Variants in EFHC1 observed in about 807,000 individuals in gnomAD.
EFHC1 encodes the protein EF-hand domain-containing protein 1.
A neutral mutation model predicts 69.9 loss-of-function variants in EFHC1; 53 were observed. That is an observed-to-expected ratio of 0.76 (90% CI 0.61 to 0.95). The LOEUF is 0.95. EFHC1 is among the 40% of genes least tolerant of loss of function. The pLI is 0.00. For synonymous variants in EFHC1, 256 were observed against 278.4 expected (o/e 0.92, Z 0.80); for missense variants, 739 against 798.7 (o/e 0.93, Z 0.90).
At chr6:52,452,064 C>T (rs764192141) in intron 3 of EFHC1, among the ~76,000 whole-genome samples, 7 of 152,162 alleles carry the variant, frequency 4.6e-5, no homozygotes, top group Non-Finnish European at 7.4e-5. Flanking sequence ...GTTACAGGCA[C>T]CTAACTAAAT....
Position 52,420,387 on chromosome 6 carries a change from G to A in EFHC1, c.-24G>A. On this transcript the variant is annotated 5_prime_UTR_variant, in exon 1 of 11. The change creates a new upstream start codon in the 5' untranslated region. Transcript: ENST00000371068. ...CCGGAGAGGACGAAGCAGGACCTAG[G>A]TGGCGGCGGTGGTACCGGCTGCAAT... The A allele has an allele frequency of 1.2e-6, 2 of 1,614,244 alleles. No individual in the cohort carries two copies. The highest frequency in any genetic ancestry group is 1.7e-6 in the Non-Finnish European group (2 of 1,180,054).
In EFHC1 at chr6:52,495,139, C is replaced by T. The variant is rs1264755044; in HGVS notation, c.*2798C>T. On this transcript the variant is annotated 3_prime_UTR_variant, in exon 11 of 11. Transcript: ENST00000371068. ...GATCTTCCCAGGAGGCCCTTTCAGG[C>T]TGACACACCTTCCAGGGTGTGCACT... 2.2e-6 allele frequency: 1 copy of T among 454,072 alleles called. No homozygotes were observed. 28.1% of individuals were successfully genotyped at this position (454,072 alleles called of 1,614,324 possible). A position where few individuals can be genotyped will look rare whatever the true frequency, so the allele number is the denominator to read the frequency against.
chr6:52,434,020 C>T (rs1307078353), intron 2 of EFHC1, among the ~76,000 whole-genome samples: 2 of 151,942 alleles, frequency 1.3e-5, no homozygotes, highest in Non-Finnish European at 2.9e-5. Flanking sequence ...ATCTCACTCC[C>T]ACTGTCCCGC....
At chr6:52,469,573 T>G in intron 7 of EFHC1, 100 bp downstream of exon 7, 1 of 1,547,610 alleles carries the variant, frequency 6.5e-7, no homozygotes, top group African/African-American at 1.4e-5. Flanking sequence ...CTGTCAGAGT[T>G]ATGTGTTGAC....
intron 6 of EFHC1, chr6:52,468,670 G>C (rs1351614680): frequency 6.5e-6 from 1 of 153,248 alleles, no homozygotes; most frequent in Admixed American, 6.5e-5. Flanking sequence ...AGAAAACTCA[G>C]ATGCTTAGCA....
intron 1 of EFHC1, among the ~76,000 whole-genome samples, chr6:52,423,151 C>A (rs925429160): frequency 1.3e-5 from 2 of 152,234 alleles, no homozygotes; most frequent in Middle Eastern, 3.4e-3. Flanking sequence ...ATATACCATC[C>A]AGTTGCTTTC....
intron 2 of EFHC1, among the ~76,000 whole-genome samples, chr6:52,435,654 G>C (rs1235569867): frequency 2.0e-5 from 3 of 152,072 alleles, no homozygotes; most frequent in African/African-American, 7.2e-5. Flanking sequence ...ACTATTGAAG[G>C]GGCTTCCAGT....
At chr6:52,489,710 T>C (rs1368733664) in intron 9 of EFHC1, among the ~76,000 whole-genome samples, 1 of 152,230 alleles carries the variant, frequency 6.6e-6, no homozygotes, top group East Asian at 1.9e-4. Flanking sequence ...AGGTTGATTC[T>C]TGGCTACAGA....
intron 2 of EFHC1, among the ~76,000 whole-genome samples, chr6:52,426,965 A>G (rs1211573585): frequency 6.6e-6 from 1 of 152,202 alleles, no homozygotes; most frequent in Non-Finnish European, 1.5e-5. Flanking sequence ...GGAAAATGCC[A>G]TCAGGCTTTC....
At chr6:52,435,297 G>C (rs991183813) in intron 2 of EFHC1, among the ~76,000 whole-genome samples, 1 of 152,090 alleles carries the variant, frequency 6.6e-6, no homozygotes, top group Non-Finnish European at 1.5e-5. Context: ...ATATCAATTT[G>C]ATAGTAATTC....
At position 52,473,549 on chromosome 6, in the gene EFHC1, G is replaced by C. The variant is rs948306074; in HGVS notation, c.1278+4076G>C. Among the ~76,000 whole-genome samples the C allele has an allele frequency of 2.6e-5, 4 of 152,194 alleles. No individual in the cohort carries two copies. The South Asian group carries it at 6.2e-4, about 24-fold the overall frequency. On this transcript the variant is annotated intron_variant, in intron 7 of 10. Coordinates refer to ENST00000371068, the MANE Select transcript of EFHC1 (RefSeq NM_018100.4). ...TAATCCCAGCACTTTGGGAGACCAAGGTGGGCAGACTGCCCCAGCTCAGGA... is the reference window on the plus strand; with the variant it reads ...TAATCCCAGCACTTTGGGAGACCAACGTGGGCAGACTGCCCCAGCTCAGGA...
intron 1 of EFHC1, among the ~76,000 whole-genome samples, chr6:52,422,618 A>G (rs1764216217): frequency 6.6e-6 from 1 of 152,166 alleles, no homozygotes; most frequent in South Asian, 2.1e-4. Flanking sequence ...TTTTATGATT[A>G]ATCTTAAATT....
At chr6:52,460,253 T>C (rs1320585275) in intron 5 of EFHC1, among the ~76,000 whole-genome samples, 1 of 152,180 alleles carries the variant, frequency 6.6e-6, no homozygotes, top group Non-Finnish European at 1.5e-5. Flanking sequence ...TCAAAGTAAC[T>C]ATGCTAAGAG....
In EFHC1 at chr6:52,477,926, G is replaced by A. The variant is rs574301688; in HGVS notation, c.1279-1111G>A. 1.1e-3 allele frequency among the ~76,000 whole-genome samples: 169 copies of A among 152,274 alleles called. 3 individuals are homozygous for A. Among genetic ancestry groups the A allele is most frequent in the Non-Finnish European group, 5.7e-4 (39 of 68,026 alleles). ...TTTGACCCAGCCATCCCATTACTGG[G>A]TATATACCGAAAGGACTATAAATCA... On this transcript the variant is annotated intron_variant, in intron 7 of 10. Coordinates refer to ENST00000371068, the MANE Select transcript of EFHC1 (RefSeq NM_018100.4).
intron 4 of EFHC1, 89 bp from the exon 5 acceptor site, chr6:52,454,006 T>C: frequency 1.9e-6 from 3 of 1,605,036 alleles, no homozygotes; most frequent in Non-Finnish European, 2.5e-6. Flanking sequence ...CCAGCTAGTC[T>C]TTCCATCGTT....
chr6:52,463,226 G>T (rs1264338583), intron 5 of EFHC1, among the ~76,000 whole-genome samples: 2 of 146,562 alleles, frequency 1.4e-5, no homozygotes, highest in Non-Finnish European at 3.0e-5. Flanking sequence ...TTTTAGTAGA[G>T]ACAGAGTTTC....
At chr6:52,482,155 A>G (rs1051118022) in intron 9 of EFHC1, 3 of 152,194 alleles carry the variant, frequency 2.0e-5, no homozygotes, top group Admixed American at 2.0e-4. Context: ...AGCCTGACCA[A>G]CATGGTGAAC....
Position 52,494,842 on chromosome 6 carries a change from C to G in EFHC1, c.*2501C>G. Reference sequence around the variant, plus strand: ...TCAATTCACTTTAGGATAATGGCCTCCAGCTGCATCCATGTTGCTGCAGAA... The same window carrying G: ...TCAATTCACTTTAGGATAATGGCCTGCAGCTGCATCCATGTTGCTGCAGAA... On this transcript the variant is annotated 3_prime_UTR_variant, in exon 11 of 11. Transcript: ENST00000371068. The G allele has an allele frequency of 2.2e-6, 1 of 452,268 alleles. No individual in the cohort carries two copies. Among genetic ancestry groups the G allele is most frequent in the Non-Finnish European group, 4.4e-6 (1 of 225,362 alleles). The allele number at this position is 452,268 out of a possible 1,614,324, so 28.0% of individuals were successfully genotyped here. A position where few individuals can be genotyped will look rare whatever the true frequency, so the allele number is the denominator to read the frequency against.
At chr6:52,470,812 T>TG (rs1471047364) in intron 7 of EFHC1, among the ~76,000 whole-genome samples, 1 of 152,238 alleles carries the variant, frequency 6.6e-6, no homozygotes, top group African/African-American at 2.4e-5. Flanking sequence ...AAAATGGCTA[T>TG]GAATAGTGTT....
Sources: allele counts gnomAD v4.1 joint callset (sites outside exome capture counted in the v4.1 genomes callset), GRCh38; gene constraint gnomAD v4.1.1; transcripts MANE v1.5; gene names NCBI Gene and HGNC (gene_info 2026-07-23, HGNC 2026-07-21).